SPAST: variants seen among roughly 807,000 people sequenced by gnomAD.
The protein encoded by SPAST is spastin, also known as spastic paraplegia 4 (autosomal dominant; spastin).
Under a neutral mutation model 76.6 loss-of-function variants are expected in SPAST, and 30 were observed. The observed-to-expected ratio is 0.39, with a 90% CI of 0.29 to 0.53. The LOEUF (loss-of-function observed/expected upper bound fraction) is 0.53, where lower values mean the gene tolerates loss of function less well. Among genes scored for constraint, SPAST ranks in the 20% least tolerant of loss-of-function variants. SPAST has a pLI of 0.68. For missense variants in SPAST, 717 were observed against 770.5 expected, an observed-to-expected ratio of 0.93 and a Z score of 0.82; for synonymous variants, 305 against 281.0, an observed-to-expected ratio of 1.09 and a Z score of -0.86.
intron 1 of SPAST, among the ~76,000 whole-genome samples, chr2:32,068,078 A>T (rs1419051019): frequency 6.7e-6 from 1 of 148,984 alleles, no homozygotes; most frequent in Non-Finnish European, 1.5e-5. Context: ...TCCCGGGTTC[A>T]CGCCATTCTC....
intron 4 of SPAST, 116 bp from the exon 5 acceptor site, chr2:32,114,522 T>C (rs939863288): frequency 6.3e-6 from 5 of 797,844 alleles, no homozygotes; most frequent in African/African-American, 5.2e-5. Context: ...AAATCTTATT[T>C]TGAAATATTT....
chr2:32,103,923 C>A (rs1678220161), intron 4 of SPAST, among the ~76,000 whole-genome samples: 2 of 152,104 alleles, frequency 1.3e-5, no homozygotes, highest in Admixed American at 1.3e-4. Flanking sequence ...TGGTGTGGTG[C>A]TGAGAAGAAT....
intron 1 of SPAST, among the ~76,000 whole-genome samples, chr2:32,067,404 G>C (rs1201151452): frequency 6.6e-6 from 1 of 152,114 alleles, no homozygotes; most frequent in Non-Finnish European, 1.5e-5. Context: ...TGGGAGTTGG[G>C]AGGTAGGATA....
At chr2:32,117,531 CT>C (rs11431890) in intron 7 of SPAST, among the ~76,000 whole-genome samples, 179 of 127,546 alleles carry the variant, frequency 1.4e-3, no homozygotes, top group Middle Eastern at 4.2e-3. Flanking sequence ...TAGAATAATT[CT>C]TTTTTTTTTT....
At chr2:32,142,774 A>G (rs1573166510) in intron 13 of SPAST, among the ~76,000 whole-genome samples, 1 of 152,194 alleles carries the variant, frequency 6.6e-6, no homozygotes, top group Non-Finnish European at 1.5e-5. Flanking sequence ...ATTAACTGCA[A>G]ACAGGTATGA....
intron 16 of SPAST, among the ~76,000 whole-genome samples, chr2:32,153,936 G>A (rs1048144474): frequency 1.3e-5 from 2 of 152,088 alleles, no homozygotes; most frequent in Admixed American, 1.3e-4. Flanking sequence ...AATTAGCTGG[G>A]CATGGAGGCA....
chr2:32,082,005 CTTTTTTTTTTT>C (rs35493322), intron 1 of SPAST, among the ~76,000 whole-genome samples: 1 of 71,214 alleles, frequency 1.4e-5, no homozygotes, highest in East Asian at 4.8e-4. Context: ...AGTTCTCTCT[CTTTTTTTTTTT>C]TTTTTTTTTT....
At chr2:32,075,306 A>G (rs938746491) in intron 1 of SPAST, among the ~76,000 whole-genome samples, 1 of 151,116 alleles carries the variant, frequency 6.6e-6, no homozygotes, top group Non-Finnish European at 1.5e-5. Flanking sequence ...GGCGCCTGTA[A>G]TCCCAGCTAT....
chr2:32,074,670 C>T (rs1313479859), intron 1 of SPAST, among the ~76,000 whole-genome samples: 7 of 152,142 alleles, frequency 4.6e-5, no homozygotes, highest in African/African-American at 1.4e-4. Context: ...CCACACCCGG[C>T]TAATTTTTGT....
At chr2:32,147,300 GTAAGACATATA>G (rs745818437) in intron 16 of SPAST, 42 bp downstream of exon 16, 7 of 952,398 alleles carry the variant, frequency 7.3e-6, no homozygotes, top group African/African-American at 1.7e-5. Context: ...CTTCTATATT[GTAAGACATATA>G]TAAGACATAC....
intron 4 of SPAST, 43 bp from the exon 5 acceptor site, chr2:32,114,595 C>T (rs550256815): frequency 2.0e-6 from 3 of 1,496,728 alleles, no homozygotes; most frequent in Non-Finnish European, 2.8e-6. Flanking sequence ...TTATGTTCAG[C>T]TACAATTTTC....
chr2:32,147,297 A>G (rs1162695725), intron 16 of SPAST, 39 bp downstream of exon 16: 2 of 1,154,112 alleles, frequency 1.7e-6, no homozygotes, highest in South Asian at 1.2e-5. Flanking sequence ...TGTCTTCTAT[A>G]TTGTAAGACA....
intron 5 of SPAST, 145 bp downstream of exon 5, chr2:32,114,970 T>TC: frequency 1.5e-6 from 1 of 689,542 alleles, no homozygotes; most frequent in South Asian, 1.8e-5. Flanking sequence ...TTTTTTTTTT[T>TC]TTTTTGAGAC....
chr2:32,081,081 C>T (rs551637497), intron 1 of SPAST, among the ~76,000 whole-genome samples: 212 of 152,270 alleles, frequency 1.4e-3, no homozygotes, highest in African/African-American at 4.7e-3. Flanking sequence ...GCCTCAGCCT[C>T]CCAAATAGCT....
At chr2:32,125,888 G>T (rs546019218) in intron 7 of SPAST, among the ~76,000 whole-genome samples, 1 of 152,182 alleles carries the variant, frequency 6.6e-6, no homozygotes, top group East Asian at 1.9e-4. Flanking sequence ...TCCGCCTCCC[G>T]GGTTCACGCC....
intron 9 of SPAST, among the ~76,000 whole-genome samples, chr2:32,136,248 T>C (rs777450359): frequency 6.6e-6 from 1 of 152,188 alleles, no homozygotes; most frequent in Non-Finnish European, 1.5e-5. Flanking sequence ...TGTCTTTTTC[T>C]CTCCCCTAGT....
At chr2:32,100,999 T>C (rs1365694831) in intron 4 of SPAST, among the ~76,000 whole-genome samples, 1 of 152,200 alleles carries the variant, frequency 6.6e-6, no homozygotes, top group East Asian at 1.9e-4. Context: ...CTGGGTCAAA[T>C]GGTATTTCTA....
chr2:32,092,173 A>G (rs1389432552), intron 3 of SPAST, among the ~76,000 whole-genome samples: 1 of 152,236 alleles, frequency 6.6e-6, no homozygotes, highest in African/African-American at 2.4e-5. Context: ...TTAAAAATGC[A>G]GCCGTTACTG....
intron 1 of SPAST, chr2:32,077,859 G>A (rs1677027598): frequency 6.6e-6 from 1 of 152,238 alleles, no homozygotes; most frequent in African/African-American, 2.4e-5. Context: ...CAGTCCAGGT[G>A]CAGTGGCTCA....
Sources: allele counts gnomAD v4.1 joint callset (sites outside exome capture counted in the v4.1 genomes callset), GRCh38; gene constraint gnomAD v4.1.1; transcripts MANE v1.5; gene names NCBI Gene and HGNC (gene_info 2026-07-23, HGNC 2026-07-21).